SDK2: variants seen among roughly 807,000 people sequenced by gnomAD.
SDK2 encodes the protein protein sidekick-2.
SDK2 carries 105 observed loss-of-function variants against 253.9 expected under a neutral mutation model. The ratio of observed to expected loss-of-function variants is 0.41; its 90% CI spans 0.35 to 0.49. The LOEUF (loss-of-function observed/expected upper bound fraction) is 0.49, where lower values mean the gene tolerates loss of function less well. SDK2 is among the 20% of genes least tolerant of loss of function. The pLI is 0.06. For missense variants in SDK2, 2,608 were observed against 3,003.0 expected, an observed-to-expected ratio of 0.87 and a Z score of 3.07; for synonymous variants, 1,249 against 1,234.9, an observed-to-expected ratio of 1.01 and a Z score of -0.24.
At chr17:73,617,553 C>A (rs2046077133) in intron 1 of SDK2, among the ~76,000 whole-genome samples, 1 of 151,368 alleles carries the variant, frequency 6.6e-6, no homozygotes, top group South Asian at 2.1e-4. Flanking sequence ...AGAGATCTCT[C>A]CCTGTCCAGC....
intron 5 of SDK2, among the ~76,000 whole-genome samples, chr17:73,444,815 C>A (rs2063441084): frequency 6.6e-6 from 1 of 152,202 alleles, no homozygotes; most frequent in Non-Finnish European, 1.5e-5. Flanking sequence ...GCTCCCCTCT[C>A]TTGGGCAGGC....
At chr17:73,344,005 G>C (rs1391533327) in intron 44 of SDK2, among the ~76,000 whole-genome samples, 1 of 152,194 alleles carries the variant, frequency 6.6e-6, no homozygotes, top group Non-Finnish European at 1.5e-5. Flanking sequence ...ATCTGTGCGG[G>C]GTGTTCCGCC....
chr17:73,572,944 C>T (rs1368894421), intron 1 of SDK2, among the ~76,000 whole-genome samples: 2 of 152,202 alleles, frequency 1.3e-5, no homozygotes, highest in African/African-American at 4.8e-5. Flanking sequence ...GCCTTCTTAT[C>T]TCTTTCTTCC....
At chr17:73,340,487 G>A (rs2062425162) in intron 44 of SDK2, among the ~76,000 whole-genome samples, 1 of 152,108 alleles carries the variant, frequency 6.6e-6, no homozygotes, top group African/African-American at 2.4e-5. Flanking sequence ...TGGCTTCTCT[G>A]ACACAGTGTC....
At chr17:73,378,868 G>A (rs893346527) in intron 36 of SDK2, among the ~76,000 whole-genome samples, 3 of 152,174 alleles carry the variant, frequency 2.0e-5, no homozygotes, top group Non-Finnish European at 4.4e-5. Context: ...CTGGTGGGGA[G>A]GGATGTGTGT....
chr17:73,355,140 C>T (rs1043078194), intron 40 of SDK2, among the ~76,000 whole-genome samples: 1 of 116,774 alleles, frequency 8.6e-6, no homozygotes, highest in Admixed American at 9.3e-5. Flanking sequence ...TGTTTTTGAG[C>T]CTCTGCCTCC....
intron 44 of SDK2, among the ~76,000 whole-genome samples, chr17:73,345,041 G>A (rs532870962): frequency 5.3e-5 from 8 of 152,326 alleles, no homozygotes; most frequent in African/African-American, 9.6e-5. Flanking sequence ...AGACTTGGCC[G>A]GGTGCGGTGG....
In SDK2 at chr17:73,465,961, T is replaced by C. The variant is rs1157323778; in HGVS notation, c.331+6151A>G. 6.6e-6 allele frequency among the ~76,000 whole-genome samples: 1 copy of C among 152,184 alleles called. No individual in the cohort carries two copies. Among genetic ancestry groups the C allele is most frequent in the Non-Finnish European group, 1.5e-5 (1 of 68,030 alleles). On this transcript the variant is annotated intron_variant, in intron 3 of 44. Coordinates refer to ENST00000392650, the MANE Select transcript of SDK2 (RefSeq NM_001144952.2). The surrounding 1 kb of genome is among the most constrained non-coding windows in gnomAD (Gnocchi z 4.2). The stretch of plus-strand genomic sequence containing the variant: ...TGTGTGTGTAAGGAGACAGACGGAT[T>C]GGCAGACAGGCAGCTGCAGCAGGCC...
intron 1 of SDK2, among the ~76,000 whole-genome samples, chr17:73,580,963 G>A (rs1160675689): frequency 2.6e-5 from 4 of 152,268 alleles, no homozygotes; most frequent in East Asian, 1.9e-4. Flanking sequence ...TATGAATACT[G>A]CTCACTGCAG....
In SDK2 at chr17:73,398,449, T is replaced by A; in HGVS notation, c.3094-20A>T. On this transcript the variant is annotated intron_variant, in intron 22 of 44. Coordinates refer to ENST00000392650, the MANE Select transcript of SDK2 (RefSeq NM_001144952.2). ...GCCTACCTGGAAAAGGGCAGGATCT[T>A]AGGCCTGTCCAGCCTACAGGGCCCA... The A allele has an allele frequency of 6.2e-7, 1 of 1,603,448 alleles. No homozygotes were observed. The highest frequency in any genetic ancestry group is 8.5e-7 in the Non-Finnish European group (1 of 1,171,140).
chr17:73,458,897 G>A (rs369666059), intron 3 of SDK2, among the ~76,000 whole-genome samples: 211 of 152,238 alleles, frequency 1.4e-3, no homozygotes, highest in Non-Finnish European at 2.2e-3. Context: ...CCAGCTACTC[G>A]GGAGGCTGAG....
intron 2 of SDK2, among the ~76,000 whole-genome samples, chr17:73,503,601 G>C (rs1160627537): frequency 1.3e-5 from 2 of 152,182 alleles, no homozygotes; most frequent in Non-Finnish European, 2.9e-5. Context: ...GAAGAAAGAA[G>C]CACCTGCTAT....
At chr17:73,507,232 A>G (rs999127742) in intron 2 of SDK2, among the ~76,000 whole-genome samples, 2 of 152,232 alleles carry the variant, frequency 1.3e-5, no homozygotes, top group African/African-American at 4.8e-5. Flanking sequence ...CCCCTGGTCC[A>G]CAACCCAGCC....
At chr17:73,371,190 AC>A (rs2062732177) in intron 36 of SDK2, among the ~76,000 whole-genome samples, 1 of 152,234 alleles carries the variant, frequency 6.6e-6, no homozygotes, top group African/African-American at 2.4e-5. Flanking sequence ...ACAACAGTTA[AC>A]AAAGTTCCTG....
At chr17:73,381,109 CG>C (rs2062827382) in intron 33 of SDK2, among the ~76,000 whole-genome samples, 159 bp from the exon 34 acceptor site, 1 of 152,180 alleles carries the variant, frequency 6.6e-6, no homozygotes. Flanking sequence ...TGCTGAGTTA[CG>C]GGCCAGGATA....
At chr17:73,474,985 T>C (rs1296950696) in intron 2 of SDK2, among the ~76,000 whole-genome samples, 1 of 152,034 alleles carries the variant, frequency 6.6e-6, no homozygotes, top group African/African-American at 2.4e-5. Flanking sequence ...GATTTTCAGG[T>C]GTGGTCAAAC....
intron 1 of SDK2, among the ~76,000 whole-genome samples, chr17:73,575,220 A>G (rs2045442264): frequency 6.6e-6 from 1 of 152,164 alleles, no homozygotes; most frequent in Admixed American, 6.5e-5. Context: ...TGACACCTGC[A>G]TCGGGAAGAT....
At chr17:73,458,665 C>T (rs377694539) in intron 3 of SDK2, among the ~76,000 whole-genome samples, 1 of 152,194 alleles carries the variant, frequency 6.6e-6, no homozygotes, top group East Asian at 1.9e-4. Flanking sequence ...AAGGAGGGCC[C>T]TCCGTCACCT....
intron 12 of SDK2, among the ~76,000 whole-genome samples, chr17:73,424,694 G>A (rs2063265194): frequency 6.6e-6 from 1 of 152,188 alleles, no homozygotes; most frequent in South Asian, 2.1e-4. Context: ...CAACATACAG[G>A]GAGTGCCAGC....
Sources: gnomAD v4.1 joint callset for allele counts (sites outside exome capture counted in the v4.1 genomes callset) on GRCh38, gnomAD v4.1.1 for gene constraint, Gnocchi (gnomAD v3.1) non-coding constraint, MANE v1.5 for transcripts, NCBI Gene and HGNC (gene_info 2026-07-23, HGNC 2026-07-21) for gene names.